The following MAST4 variants were observed in gnomAD, a reference collection of about 807,000 sequenced individuals.
The protein encoded by MAST4 is microtubule-associated serine/threonine-protein kinase 4.
Under a neutral mutation model 162.7 loss-of-function variants are expected in MAST4, and 89 were observed. The observed-to-expected ratio is 0.55, with a 90% CI of 0.46 to 0.65. The LOEUF is 0.65. Among genes scored for constraint, MAST4 ranks in the 30% least tolerant of loss-of-function variants. MAST4 has a pLI of 0.00. For missense variants in MAST4, 3,153 were observed against 3,374.0 expected, an observed-to-expected ratio of 0.93 and a Z score of 1.62; for synonymous variants, 1,479 against 1,361.1, an observed-to-expected ratio of 1.09 and a Z score of -1.91.
chr5:66,986,910 C>G (rs1749573543), intron 4 of MAST4, among the ~76,000 whole-genome samples: 1 of 152,106 alleles, frequency 6.6e-6, no homozygotes, highest in Non-Finnish European at 1.5e-5. Flanking sequence ...CCACGTCCAG[C>G]TAAACGTGTC....
At chr5:67,065,810 G>A (rs953226139) in intron 5 of MAST4, among the ~76,000 whole-genome samples, 3 of 152,200 alleles carry the variant, frequency 2.0e-5, no homozygotes, top group South Asian at 2.1e-4. Flanking sequence ...ACTGACTACA[G>A]CAATGTATGA....
chr5:67,164,941 G>A lies in MAST4; in HGVS notation c.5762G>A (p.Arg1921Lys), dbSNP rs766236453. The A allele has an allele frequency of 9.9e-6, 16 of 1,613,828 alleles. No homozygotes were observed. The highest frequency in any genetic ancestry group is 5.0e-5 in the Admixed American group (3 of 59,986). The part of the protein sequence containing the change: ...GTVMESNPQQ[R>K]EGSSPKHQDH... The stretch of plus-strand genomic sequence containing the variant: ...GTCATGGAAAGCAATCCCCAACAGA[G>A]AGAGGGCAGCTCCCCTAAACACCAA... Residue 1921 changes from arginine to lysine, a missense_variant, in exon 29 of 29, where the codon AGA (arginine) becomes AAA (lysine). Arg to Lys is a conservative substitution (Grantham distance 26). This residue lies in a region of MAST4 where 1,644 missense variants were observed against 1,495.0 expected (regional missense o/e 1.10). Transcript: ENST00000403625. The surrounding 1 kb of genome is among the most constrained non-coding windows in gnomAD (Gnocchi z 5.3).
intron 1 of MAST4, among the ~76,000 whole-genome samples, chr5:66,703,006 C>T (rs1749878682): frequency 6.6e-6 from 1 of 152,068 alleles, no homozygotes; most frequent in South Asian, 2.1e-4. Flanking sequence ...GGGACCAGAA[C>T]CTGGACCTAT....
intron 1 of MAST4, among the ~76,000 whole-genome samples, chr5:66,675,080 A>T (rs74882367): frequency 0.027 from 4,104 of 152,254 alleles, 197 homozygotes; most frequent in African/African-American, 0.092. Context: ...TGCCTGCCGT[A>T]TGCATTCTGA....
intron 3 of MAST4, among the ~76,000 whole-genome samples, chr5:66,851,607 C>T (rs199660332): frequency 2.0e-5 from 3 of 152,144 alleles, no homozygotes; most frequent in African/African-American, 2.4e-5. Flanking sequence ...TCAGAGTCAC[C>T]GTTTTCTTAA....
At chr5:67,055,846 A>T (rs1215539796) in intron 5 of MAST4, among the ~76,000 whole-genome samples, 1 of 152,134 alleles carries the variant, frequency 6.6e-6, no homozygotes, top group Non-Finnish European at 1.5e-5. Flanking sequence ...TATATCCAAA[A>T]CACACTGTGC....
Position 67,166,428 on chromosome 5 carries a change from G to A in MAST4, c.7249G>A (p.Ala2417Thr), listed in dbSNP as rs1480228621. The stretch of plus-strand genomic sequence containing the variant: ...GGGGGTGGGGAAGGGCTTCCCTGAG[G>A]CCAGAGGGAAAGGGCCCGGTCCCCA... Reference protein sequence around the residue: ...AAGVGKGFPEARGKGPGPQKP... With the variant: ...AAGVGKGFPETRGKGPGPQKP... The change falls in exon 29 of 29, where the codon GCC becomes ACC. Residue 2417 changes from alanine to threonine, a missense_variant. Ala to Thr is a moderately conservative substitution (Grantham distance 58). Transcript: ENST00000403625. 30 of 1,606,036 alleles carry A rather than the reference G, an allele frequency of 1.9e-5. No homozygotes were observed. Among genetic ancestry groups the A allele is most frequent in the Non-Finnish European group, 2.6e-5 (30 of 1,176,270 alleles).
intron 4 of MAST4, among the ~76,000 whole-genome samples, chr5:66,913,001 A>G (rs191449640): frequency 2.0e-5 from 3 of 152,322 alleles, no homozygotes; most frequent in East Asian, 1.9e-4. Context: ...CAAAACCTCT[A>G]AAACTGCTTC....
At chr5:67,009,175 G>C (rs114667384) in intron 4 of MAST4, among the ~76,000 whole-genome samples, 1,442 of 143,202 alleles carry the variant, frequency 0.01, 18 homozygotes, top group African/African-American at 0.033. Context: ...GTATTTACAA[G>C]GTACATATAA....
intron 1 of MAST4, among the ~76,000 whole-genome samples, chr5:66,646,753 A>G (rs1170737420): frequency 6.6e-6 from 1 of 152,184 alleles, no homozygotes; most frequent in Non-Finnish European, 1.5e-5. Flanking sequence ...GAAACCATTT[A>G]TCATGATTGT....
Position 67,067,764 on chromosome 5 carries a change from G to A in MAST4, c.763+13272G>A, listed in dbSNP as rs113949543. 8.1e-3 allele frequency among the ~76,000 whole-genome samples: 1,235 copies of A among 152,192 alleles called. 19 individuals carry two copies. The highest frequency in any genetic ancestry group is 0.028 in the African/African-American group (1,149 of 41,526). On this transcript the variant is annotated intron_variant, in intron 5 of 28. Coordinates refer to ENST00000403625, the MANE Select transcript of MAST4 (RefSeq NM_001164664.2). ...ATCAACTCCAGTAGATCAGAACCAC[G>A]GCAGTTCCAGAGAGGCTGCCTCAGT...
chr5:66,749,772 G>T (rs1342951890), intron 1 of MAST4, among the ~76,000 whole-genome samples: 1 of 152,224 alleles, frequency 6.6e-6, no homozygotes. Flanking sequence ...TGCAGAAATA[G>T]TTAAATATCT....
intron 8 of MAST4, among the ~76,000 whole-genome samples, chr5:67,101,463 T>C (rs775166572): frequency 1.3e-5 from 2 of 152,132 alleles, no homozygotes; most frequent in Non-Finnish European, 2.9e-5. Context: ...TTTCTGTGGA[T>C]AGCACTCCCA....
chr5:67,030,754 A>G (rs1196554681), intron 4 of MAST4, among the ~76,000 whole-genome samples: 1 of 152,044 alleles, frequency 6.6e-6, no homozygotes, highest in Non-Finnish European at 1.5e-5. Flanking sequence ...CACTTTTTTT[A>G]TCTTGGGTGT....
intron 1 of MAST4, among the ~76,000 whole-genome samples, chr5:66,724,286 C>A (rs2149543902): frequency 6.6e-6 from 1 of 152,226 alleles, no homozygotes; most frequent in East Asian, 1.9e-4. Context: ...AGGTGTGGAG[C>A]ACAGAGGAAT....
rs1774266054 is a variant in MAST4, at chr5:67,168,246, T to C, written c.*1195T>C. ...TATGTTGTAGATGAAGCTTGCTGTTTTTAGCAAGTTCCTGGGTTTCACATT... is the reference window on the plus strand; with the variant it reads ...TATGTTGTAGATGAAGCTTGCTGTTCTTAGCAAGTTCCTGGGTTTCACATT... On this transcript the variant is annotated 3_prime_UTR_variant, in exon 29 of 29. Coordinates refer to ENST00000403625, the MANE Select transcript of MAST4 (RefSeq NM_001164664.2). The C allele has an allele frequency of 6.6e-6, 1 of 152,130 alleles. No homozygotes were observed. The highest frequency in any genetic ancestry group is 6.5e-5 in the Admixed American group (1 of 15,280). The allele number at this position is 152,130 out of a possible 1,614,324, so 9.4% of individuals were successfully genotyped here. A position where few individuals can be genotyped will look rare whatever the true frequency, so the allele number is the denominator to read the frequency against.
intron 1 of MAST4, among the ~76,000 whole-genome samples, chr5:66,597,782 C>T (rs187839897): frequency 2.0e-5 from 3 of 152,180 alleles, no homozygotes; most frequent in Non-Finnish European, 4.4e-5. Flanking sequence ...CGCTTCCTGA[C>T]ACACTGAGCA....
chr5:66,695,513 C>T (rs1023538078), intron 1 of MAST4, among the ~76,000 whole-genome samples: 2 of 152,000 alleles, frequency 1.3e-5, no homozygotes, highest in Non-Finnish European at 2.9e-5. Flanking sequence ...TTTTTGGTTC[C>T]ATATGAATTT....
chr5:66,607,891 A>G (rs143821387), intron 1 of MAST4, among the ~76,000 whole-genome samples: 109 of 152,080 alleles, frequency 7.2e-4, no homozygotes, highest in African/African-American at 2.5e-3. Flanking sequence ...GTGTTTTCTG[A>G]TTTGTCAATA....
Sources: allele counts gnomAD v4.1 joint callset (sites outside exome capture counted in the v4.1 genomes callset), GRCh38; gene constraint gnomAD v4.1.1; regional missense constraint gnomAD v4.1.1; non-coding constraint Gnocchi (gnomAD v3.1); transcripts MANE v1.5; gene names NCBI Gene and HGNC (gene_info 2026-07-23, HGNC 2026-07-21).